Variants in ACAP2 observed in about 807,000 individuals in gnomAD.
The protein encoded by ACAP2 is ArfGAP with coiled-coil, ankyrin repeat and PH domains 2.
ACAP2 carries 39 observed loss-of-function variants against 115.8 expected under a neutral mutation model. The ratio of observed to expected loss-of-function variants is 0.34; its 90% confidence interval spans 0.26 to 0.44. ACAP2 has a LOEUF of 0.44. ACAP2 is among the 20% of genes least tolerant of loss of function. The probability of loss-of-function intolerance (pLI) is 1.00; values close to 1 mark genes in which losing one functional copy is unlikely to be tolerated. For synonymous variants in ACAP2, 289 were observed against 315.8 expected, an observed-to-expected ratio of 0.92 and a Z score of 0.90; for missense variants, 662 against 927.6, an observed-to-expected ratio of 0.71 and a Z score of 3.72.
intron 5 of ACAP2, among the ~76,000 whole-genome samples, chr3:195,344,034 C>T (rs1312911201): frequency 6.6e-6 from 1 of 152,112 alleles, no homozygotes; most frequent in Non-Finnish European, 1.5e-5. Flanking sequence ...CATAGTGAGA[C>T]TTGCCTCTAC....
Position 195,292,265 on chromosome 3 carries a change from C to T in ACAP2, c.1953G>A (p.Gly651=). Residue 651 remains glycine, a splice_region_variant and synonymous_variant, in exon 19 of 23, where the codon GGG becomes GGA. Transcript: ENST00000326793. ...KATPLIQAVL[G]GSLVTCEFLL... is the part of the protein sequence containing the mutation. ...AAAATGTCATTGTATAAACGCATAC[C>T]CCTAATACAGCCTGAATAAGTGGTG... 1 of 1,587,672 alleles carries T rather than the reference C, an allele frequency of 6.3e-7. No homozygotes were observed. Among genetic ancestry groups the T allele is most frequent in the Non-Finnish European group, 8.5e-7 (1 of 1,172,752 alleles).
rs1272411189 is a variant in ACAP2, at chr3:195,318,239, T to C, written c.857+2462A>G. ...TACCCAGTCTCAGGTAGTATCTTTA[T>C]AGCAGTGTGAACATGGACTAATACA... is the stretch of plus-strand genomic sequence containing the variant. On this transcript the variant is annotated intron_variant, in intron 10 of 22. Transcript: ENST00000326793. Among the ~76,000 whole-genome samples the C allele has an allele frequency of 2.0e-5, 3 of 152,210 alleles. No individual in the cohort carries two copies. The East Asian group carries it at 5.8e-4, about 29-fold the overall frequency.
intron 1 of ACAP2, among the ~76,000 whole-genome samples, chr3:195,397,910 T>C (rs947879959): frequency 6.6e-6 from 1 of 152,128 alleles, no homozygotes; most frequent in Admixed American, 6.5e-5. Flanking sequence ...GAATTTGAAA[T>C]AGTCTGAAAA....
chr3:195,281,633 C>T (rs1726519243), intron 22 of ACAP2, among the ~76,000 whole-genome samples: 1 of 152,064 alleles, frequency 6.6e-6, no homozygotes. Context: ...CTCATATTGA[C>T]ATGACTAAAA....
intron 1 of ACAP2, among the ~76,000 whole-genome samples, chr3:195,401,527 C>T (rs745768705): frequency 3.3e-5 from 5 of 152,044 alleles, no homozygotes; most frequent in Non-Finnish European, 7.4e-5. Context: ...ATTAGCCAGG[C>T]GTGGTGGTGC....
chr3:195,294,430 T>C (rs1049232537), intron 18 of ACAP2, among the ~76,000 whole-genome samples: 5 of 150,406 alleles, frequency 3.3e-5, no homozygotes, highest in Non-Finnish European at 5.9e-5. Flanking sequence ...ACACAAAAAT[T>C]AGCTGGGCGT....
At chr3:195,392,243 C>T in intron 1 of ACAP2, 96 bp from the exon 2 acceptor site, 2 of 971,000 alleles carry the variant, frequency 2.1e-6, no homozygotes, top group Non-Finnish European at 3.1e-6. Context: ...GATATGAATG[C>T]TTAAAAATTA....
At chr3:195,339,937 T>C (rs1314465601) in intron 6 of ACAP2, among the ~76,000 whole-genome samples, 1 of 151,812 alleles carries the variant, frequency 6.6e-6, no homozygotes, top group East Asian at 1.9e-4. Flanking sequence ...TATAAATAAA[T>C]ATTTACAATA....
intron 4 of ACAP2, among the ~76,000 whole-genome samples, chr3:195,360,140 C>A (rs1732254955): frequency 6.6e-6 from 1 of 151,982 alleles, no homozygotes; most frequent in African/African-American, 2.4e-5. Flanking sequence ...AGAGACACAT[C>A]TCACCTATAA....
At chr3:195,436,474 C>T (rs1577483469) in intron 1 of ACAP2, among the ~76,000 whole-genome samples, 2 of 151,980 alleles carry the variant, frequency 1.3e-5, no homozygotes, top group African/African-American at 4.8e-5. Flanking sequence ...GTCTTAAAGT[C>T]TATTTTATCT....
In ACAP2 at chr3:195,442,772, C is replaced by T. The variant is rs1218658636; in HGVS notation, c.53+23G>A. ...CGCCGGGAAGGCAGCTCCGCGGTGA[C>T]GCCGGGCGGCCGTGCCGGTTACCTG... is the stretch of plus-strand genomic sequence containing the variant. On this transcript the variant is annotated intron_variant, in intron 1 of 22. Coordinates refer to ENST00000326793, the MANE Select transcript of ACAP2 (RefSeq NM_012287.6). The T allele has an allele frequency of 2.0e-6, 3 of 1,528,392 alleles. No individual in the cohort carries two copies. In the East Asian group the frequency reaches 8.0e-5, roughly 41 times the overall value. The allele number at this position is 1,528,392 out of a possible 1,614,324, so 94.7% of individuals were successfully genotyped here. A position where few individuals can be genotyped will look rare whatever the true frequency, so the allele number is the denominator to read the frequency against.
At chr3:195,351,192 A>C (rs897925581) in intron 4 of ACAP2, among the ~76,000 whole-genome samples, 1 of 143,394 alleles carries the variant, frequency 7.0e-6, no homozygotes, top group Non-Finnish European at 1.5e-5. Flanking sequence ...ATCTCGGCTC[A>C]CTGCAACCTC....
rs527353148 is a variant in ACAP2, at chr3:195,345,198, G to T, written c.344+61C>A. The T allele has an allele frequency of 4.7e-5, 54 of 1,147,504 alleles. 1 individual carries two copies. The African/African-American group carries it at 7.1e-4, about 15-fold the overall frequency. The allele number at this position is 1,147,504 out of a possible 1,614,324, so 71.1% of individuals were successfully genotyped here. ...GTATATAACTTCTTCCAAAAGATAC[G>T]AATTCTCAGATTGATCATTAACTAG... On this transcript the variant is annotated intron_variant, in intron 5 of 22. Coordinates refer to ENST00000326793, the MANE Select transcript of ACAP2 (RefSeq NM_012287.6).
At chr3:195,291,612 C>A in intron 20 of ACAP2, 94 bp downstream of exon 20, 2 of 895,072 alleles carry the variant, frequency 2.2e-6, no homozygotes, top group Non-Finnish European at 3.3e-6. Flanking sequence ...TTTACAAACA[C>A]TACCTGAAAA....
chr3:195,332,444 C>G (rs1730233379), intron 8 of ACAP2, among the ~76,000 whole-genome samples: 1 of 152,082 alleles, frequency 6.6e-6, no homozygotes, highest in Non-Finnish European at 1.5e-5. Flanking sequence ...ACATAAGGTT[C>G]TTTTTACCTT....
At chr3:195,305,300 C>T (rs993392018) in intron 13 of ACAP2, among the ~76,000 whole-genome samples, 2 of 152,070 alleles carry the variant, frequency 1.3e-5, no homozygotes, top group Admixed American at 6.6e-5. Context: ...TACAGAGCAA[C>T]TGGAGAGGAG....
At chr3:195,333,303 G>A (rs79857545) in intron 7 of ACAP2, among the ~76,000 whole-genome samples, 180 bp from the exon 8 acceptor site, 3,271 of 152,322 alleles carry the variant, frequency 0.021, 114 homozygotes, top group East Asian at 0.1. Context: ...CCAGGCTCAG[G>A]TGATTCTCCC....
rs186651028 is a variant in ACAP2 at position 195,370,642 on chromosome 3, G to C, written c.285+10367C>G. Among the ~76,000 whole-genome samples, 194 of 152,044 alleles carry C rather than the reference G, an allele frequency of 1.3e-3. 1 individual carries two copies. The highest frequency in any genetic ancestry group is 4.5e-3 in the African/African-American group (187 of 41,476). On this transcript the variant is annotated intron_variant, in intron 4 of 22. Coordinates refer to ENST00000326793, the MANE Select transcript of ACAP2 (RefSeq NM_012287.6). Reference sequence around the variant, plus strand: ...CAGTACTATGCTGTTTTGGTTACTGGGGCCCTGTAGCATAGTTTGAAGTCT... The same window carrying C: ...CAGTACTATGCTGTTTTGGTTACTGCGGCCCTGTAGCATAGTTTGAAGTCT...
At chr3:195,411,212 A>T (rs1232928585) in intron 1 of ACAP2, among the ~76,000 whole-genome samples, 3 of 152,228 alleles carry the variant, frequency 2.0e-5, no homozygotes, top group Non-Finnish European at 4.4e-5. Flanking sequence ...TATTGTGGAA[A>T]GTACTATGGC....
Sources: allele counts gnomAD v4.1 joint callset (sites outside exome capture counted in the v4.1 genomes callset), GRCh38; gene constraint gnomAD v4.1.1; transcripts MANE v1.5; gene names NCBI Gene and HGNC (gene_info 2026-07-23, HGNC 2026-07-21).